The following ARMC9 variants were observed in gnomAD, a reference collection of about 807,000 sequenced individuals.
ARMC9 encodes the protein lisH domain-containing protein ARMC9.
ARMC9 carries 94 observed loss-of-function variants against 107.0 expected under a neutral mutation model. The observed-to-expected ratio is 0.88, with a 90% CI of 0.74 to 1.04. The LOEUF is 1.04. Ranked by LOEUF, ARMC9 falls within the 50% of genes least tolerant of loss-of-function variation. The probability of loss-of-function intolerance (pLI) is 0.00; values close to 1 mark genes in which losing one functional copy is unlikely to be tolerated. For synonymous variants in ARMC9, 380 were observed against 396.9 expected (o/e 0.96, Z 0.51); for missense variants, 942 against 1,030.1 (o/e 0.91, Z 1.17).
chr2:231,247,434 C>T (rs2036874228), intron 9 of ARMC9, among the ~76,000 whole-genome samples: 1 of 152,192 alleles, frequency 6.6e-6, no homozygotes, highest in Non-Finnish European at 1.5e-5. Flanking sequence ...CATCTTCAGC[C>T]CTTGCCTTCT....
At position 231,360,633 on chromosome 2, in the gene ARMC9, AGCCCGCAGGGCCTG is replaced by A. The variant is rs2045529959; in HGVS notation, c.2132-117_2132-104del. On this transcript the variant is annotated intron_variant, in intron 22 of 24. Coordinates refer to ENST00000611582, the MANE Select transcript of ARMC9 (RefSeq NM_001352754.2). This position sits in a 1 kb window ranked among gnomAD's most constrained non-coding sequence, Gnocchi z 4.7. ...GTATCCCAAGCCACAGGCGCCAGGG[AGCCCGCAGGGCCTG>A]GCCTGGGGTGCGTGCTTTTCTTGGC... 1 of 1,456,066 alleles carries A rather than the reference AGCCCGCAGGGCCTG, an allele frequency of 6.9e-7. No homozygotes were observed. Among genetic ancestry groups the A allele is most frequent in the South Asian group, 1.2e-5 (1 of 81,552 alleles). 90.2% of individuals were successfully genotyped at this position (1,456,066 alleles called of 1,614,324 possible).
chr2:231,315,919 G>T (rs566661440), intron 19 of ARMC9, among the ~76,000 whole-genome samples: 3 of 152,012 alleles, frequency 2.0e-5, no homozygotes, highest in Non-Finnish European at 2.9e-5. Context: ...CTTTTTAGCC[G>T]TATTTGCCTT....
At chr2:231,264,697 A>G (rs1226404284) in intron 12 of ARMC9, among the ~76,000 whole-genome samples, 2 of 143,190 alleles carry the variant, frequency 1.4e-5, no homozygotes, top group Non-Finnish European at 3.1e-5. Context: ...GGATTTCTCC[A>G]TGTTGGTCAG....
chr2:231,274,596 G>A (rs1374485217), intron 14 of ARMC9, among the ~76,000 whole-genome samples: 1 of 152,178 alleles, frequency 6.6e-6, no homozygotes, highest in Non-Finnish European at 1.5e-5. Context: ...TTTTTTCAGA[G>A]TTTTTATTCT....
intron 17 of ARMC9, among the ~76,000 whole-genome samples, chr2:231,287,983 G>C (rs1273783256): frequency 6.6e-6 from 1 of 152,210 alleles, no homozygotes; most frequent in Non-Finnish European, 1.5e-5. Flanking sequence ...CCTGAGGCTG[G>C]CTTCGAATCG....
chr2:231,229,127 C>T (rs988187342), intron 7 of ARMC9, among the ~76,000 whole-genome samples: 8 of 151,916 alleles, frequency 5.3e-5, no homozygotes, highest in Non-Finnish European at 1.2e-4. Flanking sequence ...TTGAGTCTGG[C>T]AAGCAAAGTG....
intron 6 of ARMC9, among the ~76,000 whole-genome samples, chr2:231,224,762 A>G (rs927953891): frequency 2.6e-5 from 4 of 152,348 alleles, no homozygotes; most frequent in South Asian, 4.1e-4. Flanking sequence ...TCTAGGATTT[A>G]GGGATATAAA....
Position 231,350,946 on chromosome 2 carries a change from C to CTTTTT in ARMC9, c.1995-4826_1995-4822dup, listed in dbSNP as rs770225857. 2.8e-3 allele frequency among the ~76,000 whole-genome samples: 143 copies of CTTTTT among 50,608 alleles called. 19 individuals are homozygous for CTTTTT. Among genetic ancestry groups the CTTTTT allele is most frequent in the African/African-American group, 7.2e-3 (73 of 10,080 alleles). 33.2% of individuals were successfully genotyped at this position (50,608 alleles called of 152,430 possible). ...ATCCTATTTGCACAAAGTGACAATT[C>CTTTTT]TTTTTTTTTTTTTTTTTTTTTTTTT... On this transcript the variant is annotated intron_variant, in intron 21 of 24. Transcript: ENST00000611582.
chr2:231,272,879 C>T (rs533726015), intron 13 of ARMC9, 76 bp from the exon 14 acceptor site: 5 of 1,527,480 alleles, frequency 3.3e-6, no homozygotes, highest in African/African-American at 1.4e-5. Context: ...AGTAAGTTTT[C>T]GTGGAAAGTG....
At chr2:231,228,012 C>G (rs1028515594) in intron 7 of ARMC9, among the ~76,000 whole-genome samples, 5 of 152,294 alleles carry the variant, frequency 3.3e-5, no homozygotes, top group African/African-American at 1.2e-4. Flanking sequence ...CCCAAGGTTG[C>G]CCTACCCCCA....
intron 7 of ARMC9, among the ~76,000 whole-genome samples, chr2:231,233,227 A>G (rs2035404821): frequency 6.6e-6 from 1 of 152,240 alleles, no homozygotes; most frequent in Non-Finnish European, 1.5e-5. Flanking sequence ...AGGTTTTTGA[A>G]ATACAATTTG....
rs374669591 is a variant in ARMC9, at chr2:231,276,623, T to A, written c.1335-13T>A. The A allele has an allele frequency of 6.2e-7, 1 of 1,614,000 alleles. No homozygotes were observed. Among genetic ancestry groups the A allele is most frequent in the African/African-American group, 1.3e-5 (1 of 74,934 alleles). On this transcript the variant is annotated splice_polypyrimidine_tract_variant and intron_variant, in intron 14 of 24. Transcript: ENST00000611582. ...TTGGCAGTTTGTATTTACCGTAGGC[T>A]CTTTCTTCCCAGGCGCCCGCTGCAG...
chr2:231,231,637 G>A (rs2035229689), intron 7 of ARMC9, among the ~76,000 whole-genome samples: 1 of 151,770 alleles, frequency 6.6e-6, no homozygotes. Flanking sequence ...AATCGCCTTG[G>A]CTTCCCAAAG....
At position 231,358,748 on chromosome 2, in the gene ARMC9, G is replaced by A. The variant is rs2045445933; in HGVS notation, c.2132-2006G>A. Reference sequence around the variant, plus strand: ...TGTTGGACCCTCAAACTGCTTGATCGGTTGAGTGCAGGCCCAGAAAGTACA... The same window carrying A: ...TGTTGGACCCTCAAACTGCTTGATCAGTTGAGTGCAGGCCCAGAAAGTACA... On this transcript the variant is annotated intron_variant, in intron 22 of 24. Transcript: ENST00000611582. This position sits in a 1 kb window ranked among gnomAD's most constrained non-coding sequence, Gnocchi z 4.5. 6.6e-6 allele frequency among the ~76,000 whole-genome samples: 1 copy of A among 152,188 alleles called. No homozygotes were observed. Among genetic ancestry groups the A allele is most frequent in the South Asian group, 2.1e-4 (1 of 4,828 alleles).
rs1559286548 is a variant in ARMC9, at chr2:231,208,107, G to A, written c.52-20G>A. 9.2e-7 allele frequency: 1 copy of A among 1,085,558 alleles called. No individual in the cohort carries two copies. The allele number at this position is 1,085,558 out of a possible 1,614,324, so 67.2% of individuals were successfully genotyped here. On this transcript the variant is annotated intron_variant, in intron 2 of 24. Coordinates refer to ENST00000611582, the MANE Select transcript of ARMC9 (RefSeq NM_001352754.2). ...TATTTGTTTGTTTTGCTGTTGAATT[G>A]AATTATTTATTTTTTATAGTATTTA...
rs1192343779 is a variant in ARMC9 at position 231,284,999 on chromosome 2, A to G, written c.1626+2866A>G. On this transcript the variant is annotated intron_variant, in intron 17 of 24. Transcript: ENST00000611582. Reference sequence around the variant, plus strand: ...CAGATCACGAGGTCAGGAGTTTGAGACCAGCCTGGCCAACTTGGTGAAACC... The same window carrying G: ...CAGATCACGAGGTCAGGAGTTTGAGGCCAGCCTGGCCAACTTGGTGAAACC... Among the ~76,000 whole-genome samples the G allele has an allele frequency of 2.0e-5, 3 of 152,172 alleles. No homozygotes were observed. In the East Asian group the frequency reaches 5.8e-4, roughly 29 times the overall value.
chr2:231,324,272 C>T (rs1461320605), intron 19 of ARMC9, among the ~76,000 whole-genome samples: 1 of 151,132 alleles, frequency 6.6e-6, no homozygotes, highest in East Asian at 2.0e-4. Context: ...GGACTACAGG[C>T]ACACGCCACC....
chr2:231,289,772 C>G (rs1394323354), intron 17 of ARMC9, among the ~76,000 whole-genome samples: 1 of 152,146 alleles, frequency 6.6e-6, no homozygotes, highest in Non-Finnish European at 1.5e-5. Context: ...TCCAGATTGT[C>G]ACCTCCTCCT....
At chr2:231,320,114 C>T (rs2042916679) in intron 19 of ARMC9, among the ~76,000 whole-genome samples, 1 of 137,436 alleles carries the variant, frequency 7.3e-6, no homozygotes, top group African/African-American at 2.6e-5. Context: ...CCAGTTCACC[C>T]ACTTAGCTGC....
Sources: gnomAD v4.1 joint callset for allele counts (sites outside exome capture counted in the v4.1 genomes callset) on GRCh38, gnomAD v4.1.1 for gene constraint, Gnocchi (gnomAD v3.1) non-coding constraint, MANE v1.5 for transcripts, NCBI Gene and HGNC (gene_info 2026-07-23, HGNC 2026-07-21) for gene names.